VANGL2: variants seen among roughly 807,000 people sequenced by gnomAD.
The protein encoded by VANGL2 is VANGL planar cell polarity protein 2.
VANGL2 carries 14 observed loss-of-function variants against 50.2 expected under a neutral mutation model. The ratio of observed to expected loss-of-function variants is 0.28; its 90% CI spans 0.18 to 0.44. The LOEUF is 0.44. Ranked by LOEUF, VANGL2 falls within the 20% of genes least tolerant of loss-of-function variation. VANGL2 has a pLI of 1.00. For missense variants in VANGL2, 533 were observed against 701.5 expected (o/e 0.76, Z 2.71); for synonymous variants, 295 against 297.2 (o/e 0.99, Z 0.08).
intron 1 of VANGL2, among the ~76,000 whole-genome samples, chr1:160,403,460 GGGGCAGGCCTCTCT>G (rs1650551430): frequency 6.6e-6 from 1 of 152,082 alleles, no homozygotes; most frequent in Non-Finnish European, 1.5e-5. Flanking sequence ...TAATTCTTCC[GGGGCAGGCCTCTCT>G]GGTGTGTTTG....
At chr1:160,418,965 C>T (rs200849254) in intron 3 of VANGL2, 37 bp from the exon 4 acceptor site, 1 of 1,583,150 alleles carries the variant, frequency 6.3e-7, no homozygotes, top group African/African-American at 1.3e-5. Context: ...CTTATCCTTT[C>T]CTCCTTATTG....
intron 1 of VANGL2, among the ~76,000 whole-genome samples, chr1:160,412,131 C>CAA (rs1479394990): frequency 6.6e-6 from 1 of 152,204 alleles, no homozygotes; most frequent in Non-Finnish European, 1.5e-5. Context: ...TACCAGGCTA[C>CAA]AAGCACAGAG....
intron 1 of VANGL2, among the ~76,000 whole-genome samples, chr1:160,410,528 G>T (rs975545797): frequency 6.6e-6 from 1 of 152,116 alleles, no homozygotes; most frequent in Non-Finnish European, 1.5e-5. Flanking sequence ...GCCTGCGTCT[G>T]GTCATCGGCC....
Position 160,421,090 on chromosome 1 carries a change from G to A in VANGL2, c.976G>A (p.Val326Met), listed in dbSNP as rs1382313575. ...CAACTCCACTGGCCAGTCTCGGGCT[G>A]TGATTGCAGCGGCAGCTCGGAGGCG... ...TNNSTGQSRAVIAAAARRRDN... is the reference protein window; with the variant it reads ...TNNSTGQSRAMIAAAARRRDN... The change falls in exon 6 of 8, where the codon GTG (valine) becomes ATG (methionine). Residue 326 changes from valine to methionine, a missense_variant. Coordinates refer to ENST00000368061, the MANE Select transcript of VANGL2 (RefSeq NM_020335.3). 1 of 1,614,088 alleles carries A rather than the reference G, an allele frequency of 6.2e-7. No individual in the cohort carries two copies. Among genetic ancestry groups the A allele is most frequent in the African/African-American group, 1.3e-5 (1 of 74,946 alleles).
rs74367508 is a variant in VANGL2 at position 160,420,273 on chromosome 1, C to T, written c.801-138C>T. On this transcript the variant is annotated intron_variant, in intron 4 of 7. Coordinates refer to ENST00000368061, the MANE Select transcript of VANGL2 (RefSeq NM_020335.3). Reference sequence around the variant, plus strand: ...GAGCCTGGTAAGTAGACCTCAGGCCCGGAGTCAGGCTTCTCGGAAGCAGCT... The same window carrying T: ...GAGCCTGGTAAGTAGACCTCAGGCCTGGAGTCAGGCTTCTCGGAAGCAGCT... The T allele has an allele frequency of 4.7e-3, 5,522 of 1,164,562 alleles. 182 individuals carry two copies. In the African/African-American group the frequency reaches 0.072, roughly 15 times the overall value. The allele number at this position is 1,164,562 out of a possible 1,614,324, so 72.1% of individuals were successfully genotyped here. A position where few individuals can be genotyped will look rare whatever the true frequency, so the allele number is the denominator to read the frequency against.
At chr1:160,413,402 C>T (rs1557907891) in intron 1 of VANGL2, among the ~76,000 whole-genome samples, 1 of 151,884 alleles carries the variant, frequency 6.6e-6, no homozygotes, top group Non-Finnish European at 1.5e-5. Context: ...GCCTCAGCCT[C>T]CTAAGTAGCT....
chr1:160,424,956 T>C (rs995435679), intron 7 of VANGL2, among the ~76,000 whole-genome samples, 162 bp from the exon 8 acceptor site: 2 of 152,180 alleles, frequency 1.3e-5, no homozygotes, highest in African/African-American at 4.8e-5. Context: ...CTGAAGCAGA[T>C]GATCTCAGGC....
chr1:160,407,115 C>T lies in VANGL2; in HGVS notation c.-191+6246C>T, dbSNP rs567252545. On this transcript the variant is annotated intron_variant, in intron 1 of 7. Coordinates refer to ENST00000368061, the MANE Select transcript of VANGL2 (RefSeq NM_020335.3). ...GTGAATGCAGTCACTTAAAAAACAA[C>T]AGACTGTGAACAAAAACATGCATTT... Among the ~76,000 whole-genome samples, 8 of 152,292 alleles carry T rather than the reference C, an allele frequency of 5.3e-5. No individual in the cohort carries two copies. The East Asian group carries it at 1.4e-3, about 26-fold the overall frequency.
chr1:160,420,304 C>A, intron 4 of VANGL2, 107 bp from the exon 5 acceptor site: 2 of 1,454,422 alleles, frequency 1.4e-6, no homozygotes, highest in African/African-American at 1.4e-5. Context: ...CAGCTTGTCC[C>A]TGTCCTGTGT....
At chr1:160,402,106 T>A (rs1241846430) in intron 1 of VANGL2, among the ~76,000 whole-genome samples, 1 of 152,006 alleles carries the variant, frequency 6.6e-6, no homozygotes, top group African/African-American at 2.4e-5. Context: ...AGGGAATGAG[T>A]TGTCTTATGA....
Position 160,415,924 on chromosome 1 carries a change from G to C in VANGL2, c.71+16G>C. The C allele has an allele frequency of 6.2e-7, 1 of 1,614,202 alleles. No homozygotes were observed. The highest frequency in any genetic ancestry group is 8.5e-7 in the Non-Finnish European group (1 of 1,180,030). On this transcript the variant is annotated intron_variant, in intron 2 of 7. Transcript: ENST00000368061. ...GCAAGCACAGGTGGGCAGGCATGCAGGGTGACATGCGTGGCGGAGGGAGGG... is the reference window on the plus strand; with the variant it reads ...GCAAGCACAGGTGGGCAGGCATGCACGGTGACATGCGTGGCGGAGGGAGGG...
chr1:160,416,244 A>G, intron 3 of VANGL2, 62 bp downstream of exon 3: 3 of 1,612,004 alleles, frequency 1.9e-6, no homozygotes, highest in Non-Finnish European at 2.5e-6. Context: ...GAGGGGCTGG[A>G]GGCTCCACGG....
chr1:160,402,618 T>A lies in VANGL2; in HGVS notation c.-191+1749T>A, dbSNP rs564128465. On this transcript the variant is annotated intron_variant, in intron 1 of 7. Transcript: ENST00000368061. ...TTTCCCTTTTCCCTGGTGTCAAGCATGATTGAGATGGAGCTGTGGGTGTGG... is the reference window on the plus strand; with the variant it reads ...TTTCCCTTTTCCCTGGTGTCAAGCAAGATTGAGATGGAGCTGTGGGTGTGG... 5.3e-5 allele frequency among the ~76,000 whole-genome samples: 8 copies of A among 152,206 alleles called. No homozygotes were observed. In the East Asian group the frequency reaches 1.5e-3, roughly 29 times the overall value.
intron 1 of VANGL2, among the ~76,000 whole-genome samples, chr1:160,409,055 C>A (rs1482108723): frequency 6.6e-6 from 1 of 152,202 alleles, no homozygotes; most frequent in African/African-American, 2.4e-5. Context: ...TTGGTTCTGG[C>A]TGTCTTAGCT....
At position 160,419,595 on chromosome 1, in the gene VANGL2, C is replaced by T. The variant is rs184721685; in HGVS notation, c.786C>T (p.Asn262=). Residue 262 remains asparagine, a synonymous_variant, in exon 4 of 8, where the codon AAC becomes AAT. Coordinates refer to ENST00000368061, the MANE Select transcript of VANGL2 (RefSeq NM_020335.3). The surrounding 1 kb of genome is among the most constrained non-coding windows in gnomAD (Gnocchi z 5.8). The stretch of plus-strand genomic sequence containing the variant: ...CCGACGGCGCCAGCCGCTTCTACAA[C>T]GTTGGCCATCTCAGGTACTAGCCCA... ...RSTDGASRFY[N]VGHLSIQRVA... 3.1e-5 allele frequency: 49 copies of T among 1,599,110 alleles called. No individual in the cohort carries two copies. In the Middle Eastern group the frequency reaches 1.4e-3, roughly 47 times the overall value.
chr1:160,412,164 T>G (rs1429971049), intron 1 of VANGL2, among the ~76,000 whole-genome samples: 1 of 152,192 alleles, frequency 6.6e-6, no homozygotes, highest in Non-Finnish European at 1.5e-5. Context: ...TTGCACATAG[T>G]CACACAGCTA....
intron 3 of VANGL2, among the ~76,000 whole-genome samples, chr1:160,417,512 C>T (rs1651103142): frequency 1.3e-5 from 2 of 152,260 alleles, no homozygotes; most frequent in African/African-American, 4.8e-5. Context: ...GCACTGTAGA[C>T]ATTTAGATGG....
intron 3 of VANGL2, among the ~76,000 whole-genome samples, chr1:160,417,291 C>T (rs1284325665): frequency 1.3e-5 from 2 of 152,204 alleles, no homozygotes; most frequent in Non-Finnish European, 2.9e-5. Flanking sequence ...ATCCTGTAAC[C>T]TCAACCTCCT....
chr1:160,422,877 G>T (rs1000343913), intron 6 of VANGL2, among the ~76,000 whole-genome samples: 1 of 150,162 alleles, frequency 6.7e-6, no homozygotes, highest in African/African-American at 2.5e-5. Flanking sequence ...ATCTTTGTTG[G>T]TGTTGGTGTG....
Sources: gnomAD v4.1 joint callset for allele counts (sites outside exome capture counted in the v4.1 genomes callset) on GRCh38, gnomAD v4.1.1 for gene constraint, Gnocchi (gnomAD v3.1) non-coding constraint, MANE v1.5 for transcripts, NCBI Gene and HGNC (gene_info 2026-07-23, HGNC 2026-07-21) for gene names.